PRKG1: variants seen among roughly 807,000 people sequenced by gnomAD.
PRKG1 encodes cGMP-dependent protein kinase 1.
A neutral mutation model predicts 88.1 loss-of-function variants in PRKG1; 35 were observed. The ratio of observed to expected loss-of-function variants is 0.40; its 90% CI spans 0.30 to 0.53. The LOEUF is 0.53. PRKG1 is among the 20% of genes least tolerant of loss of function. The probability of loss-of-function intolerance (pLI) is 0.59; values close to 1 mark genes in which losing one functional copy is unlikely to be tolerated. For synonymous variants in PRKG1, 303 were observed against 292.5 expected (o/e 1.04, Z -0.37); for missense variants, 540 against 839.8 (o/e 0.64, Z 4.41).
At chr10:52,167,637 A>AT (rs1838522582) in intron 9 of PRKG1, among the ~76,000 whole-genome samples, 1 of 151,350 alleles carries the variant, frequency 6.6e-6, no homozygotes, top group Non-Finnish European at 1.5e-5. Context: ...GGAAAAAAAA[A>AT]AAAGCACCAA....
intron 3 of PRKG1, among the ~76,000 whole-genome samples, chr10:51,524,020 G>C (rs555046959): frequency 1.3e-5 from 2 of 152,072 alleles, no homozygotes; most frequent in East Asian, 3.9e-4. Flanking sequence ...GGCTGTTCTC[G>C]TGATAGTGAG....
intron 2 of PRKG1, among the ~76,000 whole-genome samples, chr10:51,298,836 G>T (rs1275938887): frequency 2.6e-5 from 4 of 152,194 alleles, no homozygotes; most frequent in Admixed American, 2.6e-4. Flanking sequence ...GAAGGGAAGT[G>T]CTAGGACAAT....
intron 3 of PRKG1, among the ~76,000 whole-genome samples, chr10:51,554,421 CGT>C (rs58710266): frequency 0.31 from 44,060 of 143,138 alleles, 7,905 homozygotes; most frequent in East Asian, 0.87. Flanking sequence ...GTATATTTAT[CGT>C]GTGTGTGTGT....
At chr10:51,777,617 A>G (rs1279290665) in intron 3 of PRKG1, among the ~76,000 whole-genome samples, 1 of 152,086 alleles carries the variant, frequency 6.6e-6, no homozygotes, top group African/African-American at 2.4e-5. Context: ...ACATTGACAC[A>G]TCATTATTGC....
intron 2 of PRKG1, among the ~76,000 whole-genome samples, chr10:51,368,180 C>T (rs1459247635): frequency 6.6e-6 from 1 of 151,864 alleles, no homozygotes; most frequent in East Asian, 1.9e-4. Flanking sequence ...TGAATATTAC[C>T]CAAGGTATTT....
intron 4 of PRKG1, among the ~76,000 whole-genome samples, chr10:51,822,100 CAT>C (rs971157799): frequency 4.0e-5 from 6 of 150,988 alleles, no homozygotes; most frequent in Admixed American, 6.6e-5. Context: ...TATATACACA[CAT>C]ATATATATAC....
intron 3 of PRKG1, among the ~76,000 whole-genome samples, chr10:51,685,008 AAAC>A (rs1198181647): frequency 6.6e-6 from 1 of 152,160 alleles, no homozygotes; most frequent in Non-Finnish European, 1.5e-5. Flanking sequence ...TTGGGAGAAA[AAAC>A]AACAAGAAAA....
intron 4 of PRKG1, among the ~76,000 whole-genome samples, chr10:51,884,242 C>CGA (rs1338530764): frequency 6.7e-6 from 1 of 150,008 alleles, no homozygotes; most frequent in African/African-American, 2.4e-5. Flanking sequence ...GTCAGGAGAT[C>CGA]GAGACCATCC....
Position 51,974,143 on chromosome 10 carries a change from T to A in PRKG1, c.762+66573T>A, listed in dbSNP as rs149165514. On this transcript the variant is annotated intron_variant, in intron 5 of 17. Coordinates refer to ENST00000373980, the MANE Select transcript of PRKG1 (RefSeq NM_006258.4). ...CTGGTCATTTATGGAAAAAGTCTAC[T>A]CAACCCTGGCTTAGGTCACTTTATT... Among the ~76,000 whole-genome samples, 700 of 152,218 alleles carry A rather than the reference T, an allele frequency of 4.6e-3. 19 individuals carry two copies. Among genetic ancestry groups the A allele is most frequent in the Admixed American group, 0.039 (589 of 15,272 alleles).
intron 1 of PRKG1, among the ~76,000 whole-genome samples, chr10:51,067,297 A>G (rs2132791834): frequency 6.8e-6 from 1 of 146,314 alleles, no homozygotes; most frequent in South Asian, 2.2e-4. Flanking sequence ...TATATATGTT[A>G]TTTGTGTGTG....
In PRKG1 at chr10:51,350,838, C is replaced by T. The variant is rs78325603; in HGVS notation, c.479-116885C>T. On this transcript the variant is annotated intron_variant, in intron 2 of 17. Transcript: ENST00000373980. Reference sequence around the variant, plus strand: ...CGTGCAGGTTTGCTGCACAGGTATACGCGTGCCATGGTGGTTTGGTGCACC... The same window carrying T: ...CGTGCAGGTTTGCTGCACAGGTATATGCGTGCCATGGTGGTTTGGTGCACC... 0.018 allele frequency among the ~76,000 whole-genome samples: 2,774 copies of T among 152,142 alleles called. 179 individuals carry two copies. In the East Asian group the frequency reaches 0.22, roughly 12 times the overall value.
chr10:52,238,409 G>T lies in PRKG1; in HGVS notation c.1077-13161G>T, dbSNP rs1352223008. On this transcript the variant is annotated intron_variant, in intron 9 of 17. Transcript: ENST00000373980. ...ACCTACAAAATGGGAGAAAATTTTC[G>T]CAACCTACTCATCTGACAAAGGGCT... Among the ~76,000 whole-genome samples, 4 of 148,518 alleles carry T rather than the reference G, an allele frequency of 2.7e-5. No homozygotes were observed. The East Asian group carries it at 6.0e-4, about 22-fold the overall frequency.
At chr10:51,209,226 T>G (rs1416969420) in intron 2 of PRKG1, among the ~76,000 whole-genome samples, 1 of 152,144 alleles carries the variant, frequency 6.6e-6, no homozygotes, top group African/African-American at 2.4e-5. Context: ...TCCTGTAAAG[T>G]GTGCAGAAAT....
intron 4 of PRKG1, among the ~76,000 whole-genome samples, chr10:51,827,166 G>A (rs1226434716): frequency 1.3e-5 from 2 of 152,070 alleles, no homozygotes; most frequent in Non-Finnish European, 2.9e-5. Context: ...TCAGTATTCG[G>A]ATGATTGCCC....
At chr10:52,219,280 T>C (rs1840187176) in intron 9 of PRKG1, among the ~76,000 whole-genome samples, 1 of 152,178 alleles carries the variant, frequency 6.6e-6, no homozygotes, top group South Asian at 2.1e-4. Context: ...CTGAAAAGAA[T>C]GACAATAATT....
At chr10:51,254,708 A>G (rs1038487373) in intron 2 of PRKG1, among the ~76,000 whole-genome samples, 31 of 152,044 alleles carry the variant, frequency 2.0e-4, no homozygotes, top group Non-Finnish European at 3.8e-4. Context: ...TTGTATAAAG[A>G]TGGAAAGCAA....
chr10:51,075,970 A>G (rs971200943), intron 1 of PRKG1, among the ~76,000 whole-genome samples: 2 of 152,252 alleles, frequency 1.3e-5, no homozygotes, highest in African/African-American at 4.8e-5. Context: ...TTACTCTACT[A>G]CTAACGAAAT....
Position 51,202,683 on chromosome 10 carries a change from T to C in PRKG1, c.478+49353T>C, listed in dbSNP as rs186555904. Among the ~76,000 whole-genome samples, 222 of 152,316 alleles carry C rather than the reference T, an allele frequency of 1.5e-3. 1 individual carries two copies. The highest frequency in any genetic ancestry group is 5.0e-3 in the African/African-American group (209 of 41,570). On this transcript the variant is annotated intron_variant, in intron 2 of 17. Coordinates refer to ENST00000373980, the MANE Select transcript of PRKG1 (RefSeq NM_006258.4). The stretch of plus-strand genomic sequence containing the variant: ...TATGGGGTTTAAACAAAGAAATTCT[T>C]CACATAGATTATGGATAAGATGAGA...
intron 3 of PRKG1, among the ~76,000 whole-genome samples, chr10:51,537,727 C>CAAAA (rs33928221): frequency 5.6e-5 from 6 of 107,508 alleles, no homozygotes; most frequent in East Asian, 2.8e-4. Context: ...GAGTCTGTCT[C>CAAAA]AAAAAAAAAA....
Sources: allele counts gnomAD v4.1 joint callset (sites outside exome capture counted in the v4.1 genomes callset), GRCh38; gene constraint gnomAD v4.1.1; transcripts MANE v1.5; gene names NCBI Gene and HGNC (gene_info 2026-07-23, HGNC 2026-07-21).